MIPEP: variants seen among roughly 807,000 people sequenced by gnomAD.
The protein encoded by MIPEP is mitochondrial intermediate peptidase.
MIPEP carries 79 observed loss-of-function variants against 90.3 expected under a neutral mutation model. That is an observed-to-expected ratio of 0.87 (90% CI 0.73 to 1.05). The LOEUF (loss-of-function observed/expected upper bound fraction) is 1.05. MIPEP is among the 50% of genes least tolerant of loss of function. The pLI, the probability that MIPEP is intolerant of heterozygous loss-of-function variation, is 0.00. For synonymous variants in MIPEP, 334 were observed against 315.8 expected (o/e 1.06, Z -0.61); for missense variants, 940 against 905.6 (o/e 1.04, Z -0.49).
At chr13:23,866,584 C>T (rs1373244440) in intron 7 of MIPEP, among the ~76,000 whole-genome samples, 1 of 152,176 alleles carries the variant, frequency 6.6e-6, no homozygotes, top group African/African-American at 2.4e-5. Context: ...TGCGCGGCCT[C>T]CAGGACCACA....
chr13:23,754,359 TC>T (rs1952470824), intron 18 of MIPEP, among the ~76,000 whole-genome samples: 1 of 152,140 alleles, frequency 6.6e-6, no homozygotes, highest in Non-Finnish European at 1.5e-5. Flanking sequence ...ATGAAACAAA[TC>T]ATGTGAATTA....
At chr13:23,784,267 A>C (rs1293558639) in intron 16 of MIPEP, among the ~76,000 whole-genome samples, 1 of 152,236 alleles carries the variant, frequency 6.6e-6, no homozygotes, top group Non-Finnish European at 1.5e-5. Flanking sequence ...CCAAAACAGC[A>C]TGGTACTGGT....
chr13:23,743,796 C>T (rs551965054), intron 18 of MIPEP, among the ~76,000 whole-genome samples: 9 of 152,196 alleles, frequency 5.9e-5, no homozygotes, highest in Admixed American at 1.3e-4. Flanking sequence ...ACATTAAACA[C>T]GCACACACCC....
chr13:23,785,326 C>T (rs1458752169), intron 16 of MIPEP, among the ~76,000 whole-genome samples: 1 of 152,114 alleles, frequency 6.6e-6, no homozygotes, highest in Non-Finnish European at 1.5e-5. Flanking sequence ...ATGATGAGTT[C>T]ATGTCCTTTG....
intron 18 of MIPEP, among the ~76,000 whole-genome samples, chr13:23,749,857 C>G (rs1208346283): frequency 6.6e-6 from 1 of 152,160 alleles, no homozygotes; most frequent in Non-Finnish European, 1.5e-5. Context: ...CACCAACTCT[C>G]TTTCACAGTA....
intron 14 of MIPEP, among the ~76,000 whole-genome samples, chr13:23,810,424 G>A (rs1275249681): frequency 2.0e-5 from 3 of 152,230 alleles, no homozygotes; most frequent in South Asian, 2.1e-4. Flanking sequence ...TTTTCTTTTC[G>A]AATCTGAAAG....
At chr13:23,817,416 T>A (rs1593171306) in intron 14 of MIPEP, among the ~76,000 whole-genome samples, 1 of 152,070 alleles carries the variant, frequency 6.6e-6, no homozygotes, top group South Asian at 2.1e-4. Flanking sequence ...CCTTAGTAAT[T>A]TTTTATCCTC....
At chr13:23,832,113 G>A (rs755174975) in intron 14 of MIPEP, among the ~76,000 whole-genome samples, 13 of 152,152 alleles carry the variant, frequency 8.5e-5, no homozygotes, top group Non-Finnish European at 1.3e-4. Context: ...GGTCATGAGG[G>A]CTCTGCCCTC....
intron 15 of MIPEP, among the ~76,000 whole-genome samples, chr13:23,806,600 C>T (rs558342678): frequency 6.6e-6 from 1 of 152,158 alleles, no homozygotes; most frequent in African/African-American, 2.4e-5. Flanking sequence ...ATGGCGTGAA[C>T]CTGGGAGGCG....
At position 23,874,741 on chromosome 13, in the gene MIPEP, T is replaced by C. The variant is rs1870985654; in HGVS notation, c.603+105A>G. 3.3e-6 allele frequency: 3 copies of C among 902,834 alleles called. No individual in the cohort carries two copies. In the South Asian group the frequency reaches 6.4e-5, roughly 19 times the overall value. 55.9% of individuals were successfully genotyped at this position (902,834 alleles called of 1,614,324 possible). A position where few individuals can be genotyped will look rare whatever the true frequency, so the allele number is the denominator to read the frequency against. On this transcript the variant is annotated intron_variant, in intron 5 of 18. Transcript: ENST00000382172. ...AACAGATAAAAGACCTGCACGTTTT[T>C]GCAATATGCAAATTCAAGCAATATA...
chr13:23,786,900 C>G (rs896953337), intron 16 of MIPEP, among the ~76,000 whole-genome samples: 1 of 152,102 alleles, frequency 6.6e-6, no homozygotes, highest in Non-Finnish European at 1.5e-5. Context: ...GTTATGCAGA[C>G]CTTCTATAAT....
At chr13:23,785,739 C>A (rs1236634331) in intron 16 of MIPEP, among the ~76,000 whole-genome samples, 1 of 151,622 alleles carries the variant, frequency 6.6e-6, no homozygotes, top group Non-Finnish European at 1.5e-5. Flanking sequence ...GCAGGTAAAT[C>A]GAACAGTAAA....
intron 11 of MIPEP, 143 bp from the exon 12 acceptor site, chr13:23,839,869 T>C (rs570860774): frequency 5.4e-5 from 28 of 519,492 alleles, no homozygotes; most frequent in African/African-American, 4.1e-4. Context: ...TATCTCGAGA[T>C]AGATTCTCTT....
chr13:23,797,759 C>A (rs77779627), intron 16 of MIPEP, among the ~76,000 whole-genome samples: 2 of 152,172 alleles, frequency 1.3e-5, no homozygotes, highest in South Asian at 4.1e-4. Context: ...AGGGAAGGAG[C>A]CTCCCTCTGG....
In MIPEP at chr13:23,760,229, A is replaced by G. The variant is rs755904677; in HGVS notation, c.1849-12T>C. 51 of 1,613,778 alleles carry G rather than the reference A, an allele frequency of 3.2e-5. No individual in the cohort carries two copies. The highest frequency in any genetic ancestry group is 4.0e-5 in the Non-Finnish European group (47 of 1,179,892). ...CGCAGCTGCCAGGCCTGCCAAGAACAGAGAGACACAGCACGGGACACAAGT... is the reference window on the plus strand; with the variant it reads ...CGCAGCTGCCAGGCCTGCCAAGAACGGAGAGACACAGCACGGGACACAAGT... On this transcript the variant is annotated splice_polypyrimidine_tract_variant and intron_variant, in intron 16 of 18. Transcript: ENST00000382172.
chr13:23,879,487 T>G, intron 3 of MIPEP, 133 bp from the exon 4 acceptor site: 1 of 578,444 alleles, frequency 1.7e-6, no homozygotes, highest in Non-Finnish European at 3.0e-6. Context: ...CCAGGAACAG[T>G]GTAACCATCC....
At chr13:23,885,593 T>G (rs1419939799) in intron 2 of MIPEP, among the ~76,000 whole-genome samples, 4 of 143,176 alleles carry the variant, frequency 2.8e-5, no homozygotes, top group East Asian at 2.0e-4. Context: ...AAATTAAAAA[T>G]AAAAAAAAAA....
chr13:23,823,809 CAG>C (rs1953336506), intron 14 of MIPEP, among the ~76,000 whole-genome samples: 1 of 152,196 alleles, frequency 6.6e-6, no homozygotes, highest in Non-Finnish European at 1.5e-5. Flanking sequence ...GCCTGGGTGA[CAG>C]TGTGAGACCC....
chr13:23,786,953 G>C (rs1415955357), intron 16 of MIPEP, among the ~76,000 whole-genome samples: 1 of 152,074 alleles, frequency 6.6e-6, no homozygotes. Context: ...GGAGGGTCTG[G>C]GGCAAGATTT....
Sources: allele counts gnomAD v4.1 joint callset (sites outside exome capture counted in the v4.1 genomes callset), GRCh38; gene constraint gnomAD v4.1.1; transcripts MANE v1.5; gene names NCBI Gene and HGNC (gene_info 2026-07-23, HGNC 2026-07-21).